DYNLRB1: variants seen among roughly 807,000 people sequenced by gnomAD.
DYNLRB1 encodes ROBL/LC7-like 1.
In DYNLRB1, 6 loss-of-function variants were observed where a neutral mutation model predicts 13.5. The observed-to-expected ratio is 0.44, with a 90% CI of 0.24 to 0.88. DYNLRB1 has a LOEUF of 0.88. Among genes scored for constraint, DYNLRB1 ranks in the 40% least tolerant of loss-of-function variants. DYNLRB1 has a pLI of 0.21. For missense variants in DYNLRB1, 93 were observed against 127.2 expected, an observed-to-expected ratio of 0.73 and a Z score of 1.29; for synonymous variants, 43 against 45.0, an observed-to-expected ratio of 0.96 and a Z score of 0.18.
intron 3 of DYNLRB1, among the ~76,000 whole-genome samples, chr20:34,538,364 G>A (rs1981333107): frequency 6.6e-6 from 1 of 151,822 alleles, no homozygotes; most frequent in African/African-American, 2.4e-5. Flanking sequence ...TTGAGCCTGG[G>A]CAGTTGAGGC....
chr20:34,516,433 A>G lies in DYNLRB1; in HGVS notation c.-26A>G. On this transcript the variant is annotated 5_prime_UTR_variant, in exon 1 of 4. Transcript: ENST00000357156. ...GCACAGGACTCGCTAAGTGTTCGCTACGCGGGGCTACCGGATCGGTCGGAA... is the reference window on the plus strand; with the variant it reads ...GCACAGGACTCGCTAAGTGTTCGCTGCGCGGGGCTACCGGATCGGTCGGAA... The G allele has an allele frequency of 1.9e-6, 3 of 1,612,944 alleles. No individual in the cohort carries two copies. The highest frequency in any genetic ancestry group is 1.7e-6 in the Non-Finnish European group (2 of 1,179,352).
At chr20:34,539,955 C>T (rs1052523735) in intron 3 of DYNLRB1, among the ~76,000 whole-genome samples, 1 of 151,922 alleles carries the variant, frequency 6.6e-6, no homozygotes, top group African/African-American at 2.4e-5. Context: ...GGTGACAGAG[C>T]TCTTGCTCTG....
chr20:34,519,096 A>G (rs1979505489), intron 1 of DYNLRB1, among the ~76,000 whole-genome samples: 2 of 150,800 alleles, frequency 1.3e-5, no homozygotes, highest in South Asian at 4.2e-4. Flanking sequence ...TTTTTTTTCT[A>G]TTTTTAGTAG....
intron 3 of DYNLRB1, among the ~76,000 whole-genome samples, chr20:34,537,985 CTTTTT>C (rs67763754): frequency 1.1e-5 from 1 of 94,874 alleles, no homozygotes; most frequent in Non-Finnish European, 2.0e-5. Context: ...CGTGAACAGG[CTTTTT>C]TTTTTTTTTT....
chr20:34,540,604 A>T lies in DYNLRB1; in HGVS notation c.271A>T (p.Ile91Phe). The change falls in exon 4 of 4, where the codon ATT becomes TTT. Residue 91 changes from isoleucine (I) to phenylalanine (F), a missense_variant. Transcript: ENST00000357156. ...AGATAAAGACTATTTCCTGATTGTG[A>T]TTCAGAATCCAACCGAATAAGCCAC... ...APDKDYFLIV[I>F]QNPTE 1 of 1,613,634 alleles carries T rather than the reference A, an allele frequency of 6.2e-7. No homozygotes were observed. The highest frequency in any genetic ancestry group is 1.1e-5 in the South Asian group (1 of 91,004).
chr20:34,533,162 A>C (rs2146644415), intron 2 of DYNLRB1, among the ~76,000 whole-genome samples: 1 of 152,328 alleles, frequency 6.6e-6, no homozygotes, highest in African/African-American at 2.4e-5. Flanking sequence ...CCAGTGAATA[A>C]GTCCACTTAA....
At chr20:34,538,134 T>TA (rs1981313878) in intron 3 of DYNLRB1, among the ~76,000 whole-genome samples, 1 of 145,194 alleles carries the variant, frequency 6.9e-6, no homozygotes, top group Non-Finnish European at 1.5e-5. Flanking sequence ...ATTTTTTTTT[T>TA]TTTTTTTTTT....
intron 2 of DYNLRB1, among the ~76,000 whole-genome samples, chr20:34,526,992 G>A (rs370482964): frequency 6.6e-6 from 1 of 152,176 alleles, no homozygotes. Context: ...AGGTAGAAGT[G>A]TACAGATACT....
chr20:34,535,231 A>C (rs13044031), intron 3 of DYNLRB1: 49,608 of 985,404 alleles, frequency 0.05, 1,377 homozygotes, highest in Non-Finnish European at 0.054. Flanking sequence ...AAGAATATTC[A>C]GTGATTCTTC....
chr20:34,534,615 G>C lies in DYNLRB1; in HGVS notation c.80-13G>C. ...CTCCACATCCTCTCAGTCTCCGTCT[G>C]CTCTCCCCTCAGGCATTCCCATCAA... On this transcript the variant is annotated splice_polypyrimidine_tract_variant and intron_variant, in intron 2 of 3. Coordinates refer to ENST00000357156, the MANE Select transcript of DYNLRB1 (RefSeq NM_014183.4). The C allele has an allele frequency of 6.5e-7, 1 of 1,547,740 alleles. No individual in the cohort carries two copies.
In DYNLRB1 at chr20:34,516,476, G is replaced by C. The variant is rs761256348; in HGVS notation, c.3+15G>C. 1.6e-5 allele frequency: 26 copies of C among 1,612,806 alleles called. No individual in the cohort carries two copies. Among genetic ancestry groups the C allele is most frequent in the Non-Finnish European group, 2.0e-5 (24 of 1,179,238 alleles). On this transcript the variant is annotated intron_variant, in intron 1 of 3. Transcript: ENST00000357156. ...GGTCGGAAATGGTGAGCGTGCGCCG[G>C]GGTCTTGTGGCTGGCGGCCGCCCAC... is the stretch of plus-strand genomic sequence containing the variant.
chr20:34,523,692 TC>T (rs1844368545), intron 1 of DYNLRB1, among the ~76,000 whole-genome samples: 1 of 152,214 alleles, frequency 6.6e-6, no homozygotes, highest in African/African-American at 2.4e-5. Flanking sequence ...AGGTCCCGTT[TC>T]CCTGCTGTAG....
chr20:34,516,608 G>A, intron 1 of DYNLRB1, 147 bp downstream of exon 1: 1 of 1,514,552 alleles, frequency 6.6e-7, no homozygotes, highest in South Asian at 1.3e-5. Flanking sequence ...CAGCCGACTT[G>A]AGGGTGGAAC....
chr20:34,538,940 C>G (rs1395529441), intron 3 of DYNLRB1, among the ~76,000 whole-genome samples: 1 of 152,246 alleles, frequency 6.6e-6, no homozygotes. Context: ...CTTTAACTCT[C>G]TGAGGCTCCG....
At chr20:34,536,073 A>G (rs1205336111) in intron 3 of DYNLRB1, 9 of 985,332 alleles carry the variant, frequency 9.1e-6, no homozygotes, top group Middle Eastern at 5.2e-4. Flanking sequence ...TCCCTGGGAC[A>G]CTCCCTAGAG....
intron 3 of DYNLRB1, among the ~76,000 whole-genome samples, chr20:34,538,475 A>G (rs1238242677): frequency 6.6e-6 from 1 of 152,242 alleles, no homozygotes; most frequent in African/African-American, 2.4e-5. Context: ...GTTTTCACTT[A>G]TTAACTTCAC....
At chr20:34,522,138 C>A (rs189396820) in intron 1 of DYNLRB1, among the ~76,000 whole-genome samples, 273 of 152,294 alleles carry the variant, frequency 1.8e-3, no homozygotes, top group African/African-American at 6.3e-3. Context: ...GAATCTTGCT[C>A]ACTTGTTTAA....
intron 2 of DYNLRB1, chr20:34,529,766 G>T: frequency 1.7e-6 from 2 of 1,169,510 alleles, no homozygotes; most frequent in Non-Finnish European, 2.2e-6. Context: ...CAAGTCAGCA[G>T]AGCCCTGGCA....
chr20:34,516,748 C>T, intron 1 of DYNLRB1: 3 of 1,548,954 alleles, frequency 1.9e-6, no homozygotes, highest in African/African-American at 1.4e-5. Context: ...GGCCCTGCAG[C>T]CTAGAGTTTT....
Sources: gnomAD v4.1 joint callset for allele counts (sites outside exome capture counted in the v4.1 genomes callset) on GRCh38, gnomAD v4.1.1 for gene constraint, MANE v1.5 for transcripts, NCBI Gene and HGNC (gene_info 2026-07-23, HGNC 2026-07-21) for gene names.